Variants in SLC8A1 observed in about 807,000 individuals in gnomAD.
SLC8A1 encodes the protein solute carrier family 8 member A1.
Under a neutral mutation model 68.3 loss-of-function variants are expected in SLC8A1, and 18 were observed. That is an observed-to-expected ratio of 0.26 (90% CI 0.18 to 0.39). The LOEUF (loss-of-function observed/expected upper bound fraction) is 0.39. SLC8A1 is among the 10% of genes least tolerant of loss of function. The pLI, the probability that SLC8A1 is intolerant of heterozygous loss-of-function variation, is 1.00. For missense variants in SLC8A1, 985 were observed against 1,156.7 expected (o/e 0.85, Z 2.15); for synonymous variants, 475 against 415.5 (o/e 1.14, Z -1.74).
chr2:40,238,458 T>C (rs2060740416), intron 2 of SLC8A1, among the ~76,000 whole-genome samples: 1 of 151,756 alleles, frequency 6.6e-6, no homozygotes, highest in African/African-American at 2.4e-5. Flanking sequence ...TCGCCCTGCT[T>C]CGGCTCGCAC....
chr2:40,361,231 T>C (rs1674526427), intron 2 of SLC8A1, among the ~76,000 whole-genome samples: 1 of 152,122 alleles, frequency 6.6e-6, no homozygotes, highest in Non-Finnish European at 1.5e-5. Context: ...AATCAGTGCT[T>C]GCTAGGAGTT....
chr2:40,293,357 T>C (rs760866748), intron 2 of SLC8A1, among the ~76,000 whole-genome samples: 6 of 152,124 alleles, frequency 3.9e-5, no homozygotes, highest in African/African-American at 1.4e-4. Context: ...AGTAAATAAA[T>C]GAAGACTGCA....
intron 2 of SLC8A1, among the ~76,000 whole-genome samples, chr2:40,302,074 T>TGTGTGTGTGTGTGTGTGTGTG: frequency 1.3e-4 from 19 of 148,018 alleles, no homozygotes; most frequent in South Asian, 4.3e-4. Flanking sequence ...TGTGTGTGTG[T>TGTGTGTGTGTGTGTGTGTGTG]TTAGTAGAGA....
At chr2:40,458,695 C>T (rs911118692) in intron 1 of SLC8A1, among the ~76,000 whole-genome samples, 1 of 152,034 alleles carries the variant, frequency 6.6e-6, no homozygotes, top group Admixed American at 6.5e-5. Context: ...TCTGACCGAG[C>T]CTCAGGCTTG....
chr2:40,221,164 A>G (rs931759322), intron 2 of SLC8A1, among the ~76,000 whole-genome samples: 29 of 152,194 alleles, frequency 1.9e-4, no homozygotes, highest in Non-Finnish European at 2.9e-5. Context: ...CCAGCAGCAC[A>G]TCAAAAACCT....
chr2:40,292,537 A>G (rs114556305), intron 2 of SLC8A1, among the ~76,000 whole-genome samples: 2 of 152,182 alleles, frequency 1.3e-5, no homozygotes, highest in African/African-American at 4.8e-5. Flanking sequence ...ATTATCCATC[A>G]TGGGGACAAA....
rs73927107 is a variant in SLC8A1 at position 40,103,661 on chromosome 2, T to C, written c.*11592A>G. 6.5e-3 allele frequency: 985 copies of C among 152,314 alleles called. 14 individuals are homozygous for C. The highest frequency in any genetic ancestry group is 0.022 in the African/African-American group (925 of 41,580). 9.4% of individuals were successfully genotyped at this position (152,314 alleles called of 1,614,324 possible). A position where few individuals can be genotyped will look rare whatever the true frequency, so the allele number is the denominator to read the frequency against. ...TTAAAGTTTTCATTTAAAATAGTGGTTTCAGCCTTAAAAAGGTCACTGATT... is the reference window on the plus strand; with the variant it reads ...TTAAAGTTTTCATTTAAAATAGTGGCTTCAGCCTTAAAAAGGTCACTGATT... On this transcript the variant is annotated 3_prime_UTR_variant, in exon 8 of 8. Coordinates refer to ENST00000406785, the Ensembl canonical transcript of SLC8A1.
intron 2 of SLC8A1, among the ~76,000 whole-genome samples, chr2:40,238,434 A>G (rs1180040590): frequency 1.1e-4 from 1 of 9,016 alleles, no homozygotes; most frequent in East Asian, 3.7e-3. Context: ...TGCACTTCCC[A>G]AGTGAGGCAA....
At chr2:40,146,267 C>A (rs2042443129) in intron 6 of SLC8A1, among the ~76,000 whole-genome samples, 1 of 152,134 alleles carries the variant, frequency 6.6e-6, no homozygotes. Flanking sequence ...CCAAGTTCAA[C>A]CCCGGCTTAA....
chr2:40,176,981 T>G (rs534597133), intron 3 of SLC8A1, among the ~76,000 whole-genome samples: 19 of 152,304 alleles, frequency 1.2e-4, no homozygotes, highest in African/African-American at 4.6e-4. Context: ...CTATGAAATA[T>G]ATGCCATATA....
chr2:40,241,267 G>A (rs1207085908), intron 2 of SLC8A1, among the ~76,000 whole-genome samples: 1 of 152,116 alleles, frequency 6.6e-6, no homozygotes, highest in African/African-American at 2.4e-5. Flanking sequence ...CAAATACCAC[G>A]TGTTCTCACT....
At chr2:40,375,003 C>A (rs1019788056) in intron 2 of SLC8A1, among the ~76,000 whole-genome samples, 1 of 152,042 alleles carries the variant, frequency 6.6e-6, no homozygotes, top group Non-Finnish European at 1.5e-5. Context: ...AGTAATAAAT[C>A]TTCCATGGAG....
intron 1 of SLC8A1, among the ~76,000 whole-genome samples, chr2:40,511,007 A>G (rs1208245968): frequency 6.6e-6 from 1 of 152,174 alleles, no homozygotes; most frequent in Non-Finnish European, 1.5e-5. Context: ...TGCTTTTCCC[A>G]GACATCTAAT....
chr2:40,312,651 A>G (rs1038762008), intron 2 of SLC8A1, among the ~76,000 whole-genome samples: 3 of 152,108 alleles, frequency 2.0e-5, no homozygotes, highest in Admixed American at 6.6e-5. Context: ...TTCTAAACCA[A>G]TGGGTCACAT....
At chr2:40,221,710 A>G (rs1418005246) in intron 2 of SLC8A1, among the ~76,000 whole-genome samples, 1 of 152,228 alleles carries the variant, frequency 6.6e-6, no homozygotes, top group Non-Finnish European at 1.5e-5. Context: ...AAAAATCACA[A>G]GTCTTCCTAT....
intron 2 of SLC8A1, among the ~76,000 whole-genome samples, chr2:40,391,889 A>G (rs573063793): frequency 6.6e-6 from 1 of 152,242 alleles, no homozygotes; most frequent in South Asian, 2.1e-4. Flanking sequence ...ATTTCTACCA[A>G]TATCGCCCCA....
At chr2:40,440,615 C>T (rs1450553287) in intron 1 of SLC8A1, among the ~76,000 whole-genome samples, 1 of 152,026 alleles carries the variant, frequency 6.6e-6, no homozygotes, top group Non-Finnish European at 1.5e-5. Flanking sequence ...GACAGATGTT[C>T]ATTTAAATTA....
chr2:40,438,828 T>C (rs575512592), intron 1 of SLC8A1, among the ~76,000 whole-genome samples: 95 of 152,230 alleles, frequency 6.2e-4, no homozygotes, highest in Non-Finnish European at 1.2e-3. Flanking sequence ...CCCAGGTGAT[T>C]GTCATGTAGG....
chr2:40,316,552 T>G (rs2074474122), intron 2 of SLC8A1, among the ~76,000 whole-genome samples: 1 of 152,056 alleles, frequency 6.6e-6, no homozygotes, highest in African/African-American at 2.4e-5. Flanking sequence ...TGATAAAGCT[T>G]TAGCTGAGAT....
Sources: gnomAD v4.1 joint callset for allele counts (sites outside exome capture counted in the v4.1 genomes callset) on GRCh38, gnomAD v4.1.1 for gene constraint, MANE v1.5 for transcripts, NCBI Gene and HGNC (gene_info 2026-07-23, HGNC 2026-07-21) for gene names.